NCKAP5: variants seen among roughly 807,000 people sequenced by gnomAD.
NCKAP5 encodes nck-associated protein 5.
In NCKAP5, 92 loss-of-function variants were observed where a neutral mutation model predicts 167.0. The observed-to-expected ratio is 0.55, with a 90% CI of 0.47 to 0.66. NCKAP5 has a LOEUF of 0.66. NCKAP5 is among the 30% of genes least tolerant of loss of function. The pLI, the probability that NCKAP5 is intolerant of heterozygous loss-of-function variation, is 0.00. For synonymous variants in NCKAP5, 891 were observed against 877.4 expected, an observed-to-expected ratio of 1.02 and a Z score of -0.27; for missense variants, 2,378 against 2,315.0, an observed-to-expected ratio of 1.03 and a Z score of -0.56.
chr2:132,765,313 T>C (rs1362061353), intron 16 of NCKAP5, among the ~76,000 whole-genome samples: 13 of 146,986 alleles, frequency 8.8e-5, no homozygotes, highest in East Asian at 2.0e-4. Context: ...TCTTTCTTTT[T>C]TTTTTTTTTT....
intron 3 of NCKAP5, among the ~76,000 whole-genome samples, chr2:133,435,829 C>T (rs1690439348): frequency 6.6e-6 from 1 of 152,158 alleles, no homozygotes; most frequent in Non-Finnish European, 1.5e-5. Flanking sequence ...TCTCTTCTCT[C>T]ACCTGCCACT....
chr2:133,239,325 G>T (rs2087570520), intron 4 of NCKAP5, among the ~76,000 whole-genome samples: 1 of 152,076 alleles, frequency 6.6e-6, no homozygotes, highest in Admixed American at 6.6e-5. Flanking sequence ...AACTCCAACT[G>T]CTAGCCCATT....
intron 19 of NCKAP5, among the ~76,000 whole-genome samples, chr2:132,704,337 A>T (rs1688152782): frequency 6.6e-6 from 1 of 152,182 alleles, no homozygotes; most frequent in Non-Finnish European, 1.5e-5. Context: ...TGTTATAAAC[A>T]TCGATTGAAC....
intron 5 of NCKAP5, among the ~76,000 whole-genome samples, chr2:133,179,247 T>G (rs374726429): frequency 6.6e-6 from 1 of 150,896 alleles, no homozygotes. Context: ...TTTTTTTTTT[T>G]GGATTTTGCA....
At chr2:133,184,090 A>G (rs1266219707) in intron 5 of NCKAP5, among the ~76,000 whole-genome samples, 2 of 152,028 alleles carry the variant, frequency 1.3e-5, no homozygotes, top group Admixed American at 1.3e-4. Flanking sequence ...ACAGTACCCA[A>G]CAGGTAGTTT....
intron 6 of NCKAP5, among the ~76,000 whole-genome samples, chr2:132,995,356 A>G (rs961281760): frequency 1.3e-5 from 2 of 152,162 alleles, no homozygotes; most frequent in African/African-American, 4.8e-5. Context: ...AATTGTTTTA[A>G]AAAACATTTT....
intron 13 of NCKAP5, among the ~76,000 whole-genome samples, chr2:132,788,724 A>G (rs1683801820): frequency 6.6e-6 from 1 of 152,224 alleles, no homozygotes; most frequent in African/African-American, 2.4e-5. Context: ...GTTTGTACAC[A>G]AGTAAAACAT....
At chr2:133,650,029 T>C in the NCKAP5 span, among the ~76,000 whole-genome samples, 1 of 152,118 alleles carries the variant, frequency 6.6e-6, no homozygotes, top group Admixed American at 6.6e-5. Context: ...AGTTATAAGA[T>C]ATAAAATCGA....
chr2:132,674,500 A>C (rs538910482), intron 19 of NCKAP5, among the ~76,000 whole-genome samples: 2 of 152,336 alleles, frequency 1.3e-5, no homozygotes, highest in Admixed American at 6.5e-5. Context: ...TTTGTTACCC[A>C]AAAATTCCAC....
At chr2:133,426,012 C>T (rs1460144906) in intron 3 of NCKAP5, among the ~76,000 whole-genome samples, 1 of 152,164 alleles carries the variant, frequency 6.6e-6, no homozygotes, top group Admixed American at 6.5e-5. Flanking sequence ...TGGCTCATGC[C>T]TGTAATCCCA....
rs368736527 is a variant in NCKAP5, at chr2:132,728,890, C to G, written c.5506G>C (p.Gly1836Arg). 6.2e-7 allele frequency: 1 copy of G among 1,613,930 alleles called. No homozygotes were observed. The highest frequency in any genetic ancestry group is 8.5e-7 in the Non-Finnish European group (1 of 1,179,862). Residue 1836 changes from glycine to arginine, a missense_variant, in exon 18 of 20, where the codon GGA (glycine) becomes CGA (arginine). Gly to Arg is a moderately radical substitution (Grantham distance 125). Transcript: ENST00000409261. ...EPRPQTCSSF[G>R]YAEDPMASQP... is the part of the protein sequence containing the mutation. ...CTTGCCATTGGGTCTTCAGCATATC[C>G]GAATGATGAGCATGTCTGAGGCCTT...
intron 5 of NCKAP5, among the ~76,000 whole-genome samples, chr2:133,199,834 T>C (rs913177881): frequency 7.9e-5 from 12 of 152,010 alleles, no homozygotes; most frequent in Non-Finnish European, 1.3e-4. Flanking sequence ...AATGTGTGTA[T>C]ATTTATACAA....
chr2:132,809,492 C>T lies in NCKAP5; in HGVS notation c.808-12763G>A, dbSNP rs543718718. On this transcript the variant is annotated intron_variant, in intron 11 of 19. Transcript: ENST00000409261. ...TTTTAGGATTGTGATATTTTCCTGT[C>T]GGACAAGGCCTTTACCATTATATAA... Among the ~76,000 whole-genome samples the T allele has an allele frequency of 2.2e-4, 32 of 148,614 alleles. No homozygotes were observed. In the East Asian group the frequency reaches 2.4e-3, roughly 11 times the overall value.
intron 6 of NCKAP5, among the ~76,000 whole-genome samples, chr2:133,071,018 C>CA (rs1446344681): frequency 2.6e-5 from 4 of 152,104 alleles, no homozygotes; most frequent in African/African-American, 9.7e-5. Context: ...AAGAGTCAAT[C>CA]ATATATCCAT....
intron 19 of NCKAP5, among the ~76,000 whole-genome samples, chr2:132,717,769 A>T (rs965207293): frequency 2.0e-5 from 3 of 152,206 alleles, no homozygotes; most frequent in African/African-American, 7.2e-5. Flanking sequence ...CCTTCAAGTG[A>T]AGAAAATGCA....
intron 12 of NCKAP5, among the ~76,000 whole-genome samples, chr2:132,793,683 G>T (rs1004908130): frequency 6.2e-4 from 94 of 152,300 alleles, no homozygotes; most frequent in African/African-American, 2.2e-3. Flanking sequence ...GCTAAGCCAG[G>T]CAAAGGGAAT....
intron 5 of NCKAP5, among the ~76,000 whole-genome samples, chr2:133,151,893 C>T (rs1467886969): frequency 6.6e-6 from 1 of 152,044 alleles, no homozygotes; most frequent in Admixed American, 6.5e-5. Flanking sequence ...CACTTGAGGA[C>T]AGGAGTTTGA....
chr2:132,868,983 A>G lies in NCKAP5; in HGVS notation c.649-9T>C, dbSNP rs1425152010. ...ACAACTTGGTTGGCTACCTTTAAAA[A>G]ATAAAGAAAAAGTTGTCATTTATAA... On this transcript the variant is annotated splice_polypyrimidine_tract_variant and intron_variant, in intron 9 of 19. Transcript: ENST00000409261. The G allele has an allele frequency of 1.3e-6, 2 of 1,532,346 alleles. No individual in the cohort carries two copies. The highest frequency in any genetic ancestry group is 2.1e-5 in the Admixed American group (1 of 48,384). The allele number at this position is 1,532,346 out of a possible 1,614,324, so 94.9% of individuals were successfully genotyped here.
intron 15 of NCKAP5, among the ~76,000 whole-genome samples, chr2:132,774,161 A>G (rs552798172): frequency 3.3e-5 from 5 of 152,174 alleles, no homozygotes; most frequent in Non-Finnish European, 5.9e-5. Context: ...GAAGGAGAGA[A>G]TTTACAGGGT....
Sources: allele counts gnomAD v4.1 joint callset (sites outside exome capture counted in the v4.1 genomes callset), GRCh38; gene constraint gnomAD v4.1.1; transcripts MANE v1.5; gene names NCBI Gene and HGNC (gene_info 2026-07-23, HGNC 2026-07-21).